POC5: variants seen among roughly 807,000 people sequenced by gnomAD.
POC5 encodes the protein centrosomal protein POC5.
Under a neutral mutation model 62.9 loss-of-function variants are expected in POC5, and 48 were observed. The ratio of observed to expected loss-of-function variants is 0.76; its 90% CI spans 0.61 to 0.97. The LOEUF (loss-of-function observed/expected upper bound fraction) is 0.97. Ranked by LOEUF, POC5 falls within the 50% of genes least tolerant of loss-of-function variation. POC5 has a pLI of 0.00. For missense variants in POC5, 696 were observed against 679.5 expected (o/e 1.02, Z -0.27); for synonymous variants, 236 against 228.2 (o/e 1.03, Z -0.31).
At chr5:75,682,210 TCAAAA>T (rs70979328) in intron 10 of POC5, among the ~76,000 whole-genome samples, 114,591 of 151,832 alleles carry the variant, frequency 0.75, 43,446 homozygotes, top group East Asian at 0.87. Context: ...ACCAGATTAT[TCAAAA>T]AGTTAGCAAT....
intron 5 of POC5, among the ~76,000 whole-genome samples, chr5:75,701,921 GA>G (rs1485938481): frequency 2.7e-4 from 41 of 152,080 alleles, no homozygotes; most frequent in Non-Finnish European, 5.4e-4. Context: ...TGCATAAAAG[GA>G]GACATTTCTA....
At chr5:75,690,870 G>A (rs1309118705) in intron 7 of POC5, among the ~76,000 whole-genome samples, 1 of 152,134 alleles carries the variant, frequency 6.6e-6, no homozygotes, top group Non-Finnish European at 1.5e-5. Flanking sequence ...AAGAAAATGA[G>A]CAAATCACCA....
chr5:75,692,157 T>G (rs1776363841), intron 7 of POC5, among the ~76,000 whole-genome samples: 1 of 152,162 alleles, frequency 6.6e-6, no homozygotes, highest in South Asian at 2.1e-4. Flanking sequence ...ACAATCCTTA[T>G]TAACCTACTA....
chr5:75,685,316 G>C lies in POC5; in HGVS notation c.1298C>G (p.Pro433Arg). The C allele has an allele frequency of 6.2e-7, 1 of 1,614,034 alleles. No individual in the cohort carries two copies. The highest frequency in any genetic ancestry group is 8.5e-7 in the Non-Finnish European group (1 of 1,179,902). The change falls in exon 10 of 12, where the codon CCC (proline) becomes CGC (arginine). Residue 433 changes from proline (P) to arginine (R), a missense_variant. By Grantham distance (103) the Pro-to-Arg change is moderately radical (BLOSUM62 -2). Coordinates refer to ENST00000428202, the MANE Select transcript of POC5 (RefSeq NM_001099271.2). ...GGTAGAAGTCATCGAAGCAGCTGAG[G>C]GAACGGCAGTCGCGCTGGCTCCTCC... The part of the protein sequence containing the change: ...AVGGASATAV[P>R]SAASMTSTRA...
intron 1 of POC5, among the ~76,000 whole-genome samples, chr5:75,713,189 C>T (rs1057005380): frequency 3.3e-5 from 5 of 152,192 alleles, no homozygotes; most frequent in South Asian, 2.1e-4. Context: ...AAATCCCCAG[C>T]GGGGCCTGTT....
chr5:75,715,309 CAAAAAA>C (rs922297009), intron 1 of POC5, among the ~76,000 whole-genome samples: 1 of 59,324 alleles, frequency 1.7e-5, no homozygotes, highest in Non-Finnish European at 3.5e-5. Flanking sequence ...GACTCCGTCT[CAAAAAA>C]AAAAAAAAAA....
At chr5:75,679,694 T>G (rs1024267881) in intron 10 of POC5, among the ~76,000 whole-genome samples, 5 of 152,108 alleles carry the variant, frequency 3.3e-5, no homozygotes, top group Admixed American at 3.3e-4. Context: ...CTTAGCTATA[T>G]TAGTAATCAT....
At chr5:75,697,107 T>A (rs1776637479) in intron 5 of POC5, among the ~76,000 whole-genome samples, 1 of 152,026 alleles carries the variant, frequency 6.6e-6, no homozygotes, top group Admixed American at 6.6e-5. Context: ...ATGGGGAGAA[T>A]GGAACCAAGT....
chr5:75,690,945 ATGG>A (rs969612959), intron 7 of POC5, among the ~76,000 whole-genome samples: 4 of 152,242 alleles, frequency 2.6e-5, no homozygotes, highest in Non-Finnish European at 5.9e-5. Context: ...AAGGCAGGAA[ATGG>A]TGGTGGCTGT....
At chr5:75,682,986 G>T (rs1446874444) in intron 10 of POC5, among the ~76,000 whole-genome samples, 1 of 152,198 alleles carries the variant, frequency 6.6e-6, no homozygotes, top group African/African-American at 2.4e-5. Flanking sequence ...GAATACTAAA[G>T]GTGACCACTT....
At chr5:75,717,247 T>A (rs1344003329) in intron 1 of POC5, 59 bp downstream of exon 1, 1 of 152,226 alleles carries the variant, frequency 6.6e-6, no homozygotes, top group Non-Finnish European at 1.5e-5. Context: ...TAAATCTCCC[T>A]CCACTACTTT....
chr5:75,684,784 C>A lies in POC5; in HGVS notation c.1407+423G>T, dbSNP rs552575643. ...AGTCACTTTGTGTATTAAATATTTT[C>A]AGTGACTTTGCCTAAATACCACAGA... On this transcript the variant is annotated intron_variant, in intron 10 of 11. Transcript: ENST00000428202. Among the ~76,000 whole-genome samples, 3 of 151,910 alleles carry A rather than the reference C, an allele frequency of 2.0e-5. No individual in the cohort carries two copies. In the East Asian group the frequency reaches 5.8e-4, roughly 29 times the overall value.
intron 3 of POC5, among the ~76,000 whole-genome samples, chr5:75,706,463 T>G (rs994928347): frequency 1.3e-5 from 2 of 152,176 alleles, no homozygotes; most frequent in African/African-American, 4.8e-5. Context: ...TTTTTGGAAA[T>G]GGCAGAGAAT....
At chr5:75,678,995 A>C (rs1775778960) in intron 10 of POC5, among the ~76,000 whole-genome samples, 1 of 152,138 alleles carries the variant, frequency 6.6e-6, no homozygotes, top group African/African-American at 2.4e-5. Flanking sequence ...CATTTTGTCA[A>C]CTATTCATCT....
intron 1 of POC5, among the ~76,000 whole-genome samples, chr5:75,715,651 C>G (rs1777526690): frequency 6.6e-6 from 1 of 152,178 alleles, no homozygotes. Context: ...CTAACCATAT[C>G]AGGTCCCTAT....
At chr5:75,707,257 C>T (rs916923049) in intron 3 of POC5, among the ~76,000 whole-genome samples, 8 of 152,208 alleles carry the variant, frequency 5.3e-5, no homozygotes, top group Non-Finnish European at 8.8e-5. Flanking sequence ...CTGTTGCTGA[C>T]ATGGTCCACA....
rs764315449 is a variant in POC5, at chr5:75,712,652, T to C, written c.84+202A>G. 5.1e-5 allele frequency: 36 copies of C among 706,018 alleles called. 1 individual carries two copies. The South Asian group carries it at 5.5e-4, about 11-fold the overall frequency. The allele number at this position is 706,018 out of a possible 1,614,324, so 43.7% of individuals were successfully genotyped here. A position where few individuals can be genotyped will look rare whatever the true frequency, so the allele number is the denominator to read the frequency against. On this transcript the variant is annotated intron_variant, in intron 2 of 11. Transcript: ENST00000428202. ...GCCTTTGTACAGAGTGTATGAAGAG[T>C]TCATCAATATTTTCTGAAAAGTTAA...
chr5:75,696,619 G>A (rs373980965), intron 5 of POC5, among the ~76,000 whole-genome samples: 34 of 152,176 alleles, frequency 2.2e-4, no homozygotes, highest in Non-Finnish European at 2.5e-4. Flanking sequence ...AAAAAACAGA[G>A]CAGAAAAACT....
In POC5 at chr5:75,694,715, C is replaced by T; in HGVS notation, c.630G>A (p.Gln210=). The T allele has an allele frequency of 6.3e-7, 1 of 1,596,404 alleles. No individual in the cohort carries two copies. The highest frequency in any genetic ancestry group is 8.5e-7 in the Non-Finnish European group (1 of 1,172,518). Residue 210 remains glutamine, a synonymous_variant, in exon 6 of 12, where the codon CAG becomes CAA. Transcript: ENST00000428202. ...HAAHLKQLCN[Q]INELKELQKT... ...TTTGCAGCTCCTTCAATTCATTGAT[C>T]TGATTACACAGTTGTTTTAAATGTG...
Sources: gnomAD v4.1 joint callset for allele counts (sites outside exome capture counted in the v4.1 genomes callset) on GRCh38, gnomAD v4.1.1 for gene constraint, MANE v1.5 for transcripts, NCBI Gene and HGNC (gene_info 2026-07-23, HGNC 2026-07-21) for gene names.